FBXO36: variants seen among roughly 807,000 people sequenced by gnomAD.
FBXO36 encodes the protein F-box only protein 36.
A neutral mutation model predicts 17.0 loss-of-function variants in FBXO36; 18 were observed. The ratio of observed to expected loss-of-function variants is 1.06; its 90% CI spans 0.73 to 1.57. FBXO36 has a LOEUF of 1.57. Among genes scored for constraint, FBXO36 ranks in the 40% most tolerant of loss-of-function variants. The pLI is 0.00. For missense variants in FBXO36, 229 were observed against 221.9 expected, an observed-to-expected ratio of 1.03 and a Z score of -0.20; for synonymous variants, 83 against 85.3, an observed-to-expected ratio of 0.97 and a Z score of 0.15.
chr2:229,967,860 C>A (rs946655635), intron 1 of FBXO36, among the ~76,000 whole-genome samples: 2 of 152,052 alleles, frequency 1.3e-5, no homozygotes, highest in Non-Finnish European at 2.9e-5. Flanking sequence ...TGTCTCTGCC[C>A]GGCTTTGGTA....
intron 2 of FBXO36, among the ~76,000 whole-genome samples, chr2:229,978,321 G>T (rs1036541200): frequency 6.7e-6 from 1 of 150,004 alleles, no homozygotes; most frequent in East Asian, 2.0e-4. Flanking sequence ...GGTGGCTCAC[G>T]CCTGTAATCC....
chr2:229,962,516 T>TTATTTTATTC (rs1484221585), intron 1 of FBXO36, among the ~76,000 whole-genome samples: 1 of 147,526 alleles, frequency 6.8e-6, no homozygotes, highest in Non-Finnish European at 1.5e-5. Flanking sequence ...TTATTTTATT[T>TTATTTTATTC]TATTTTATTT....
intron 3 of FBXO36, among the ~76,000 whole-genome samples, chr2:230,001,232 T>C (rs953512617): frequency 1.3e-4 from 20 of 152,172 alleles, no homozygotes; most frequent in African/African-American, 4.8e-4. Context: ...CTAAGTTTTA[T>C]CTCTGTTCCA....
chr2:229,922,521 C>T lies in FBXO36; in HGVS notation c.8C>T (p.Ser3Leu), dbSNP rs577947245. MASWLPETLFETV... is the reference protein window; with the variant it reads MALWLPETLFETV... The stretch of plus-strand genomic sequence containing the variant: ...CGGCGGTGGCGTCCCAAGATGGCGT[C>T]GTGGCTGCCGGAGACTCTCTTTGAA... The change falls in exon 1 of 4, where the codon TCG (serine) becomes TTG (leucine). Residue 3 changes from serine (S) to leucine (L), a missense_variant. Ser to Leu is a moderately radical substitution (Grantham distance 145, BLOSUM62 -2). Transcript: ENST00000283946. 2.5e-6 allele frequency: 4 copies of T among 1,613,904 alleles called. No homozygotes were observed.
intron 1 of FBXO36, among the ~76,000 whole-genome samples, chr2:229,948,639 G>A (rs2077039656): frequency 6.6e-6 from 1 of 152,002 alleles, no homozygotes; most frequent in Non-Finnish European, 1.5e-5. Flanking sequence ...ACACAGAAGA[G>A]TCTGTGAGAG....
At chr2:229,947,039 G>T (rs1467443203) in intron 1 of FBXO36, among the ~76,000 whole-genome samples, 3 of 152,014 alleles carry the variant, frequency 2.0e-5, no homozygotes, top group African/African-American at 2.4e-5. Context: ...ATGGTGGCAG[G>T]TGCCTGTAAT....
At chr2:229,966,347 G>A (rs1411665026) in intron 1 of FBXO36, among the ~76,000 whole-genome samples, 10 of 152,100 alleles carry the variant, frequency 6.6e-5, no homozygotes, top group African/African-American at 2.4e-4. Flanking sequence ...CACTCTGATG[G>A]TAGTTTCTTT....
At chr2:229,929,214 G>T (rs976086937) in intron 1 of FBXO36, among the ~76,000 whole-genome samples, 1 of 151,898 alleles carries the variant, frequency 6.6e-6, no homozygotes, top group Admixed American at 6.6e-5. Context: ...GATTACAGGC[G>T]TGAGCCACTG....
chr2:229,965,185 A>T (rs1414346193), intron 1 of FBXO36, among the ~76,000 whole-genome samples: 16 of 97,480 alleles, frequency 1.6e-4, no homozygotes, highest in Non-Finnish European at 3.0e-4. Flanking sequence ...GGGTCTTACT[A>T]TGTTGCCCAG....
At chr2:229,998,053 G>A (rs1337420105) in intron 3 of FBXO36, among the ~76,000 whole-genome samples, 1 of 152,202 alleles carries the variant, frequency 6.6e-6, no homozygotes, top group Non-Finnish European at 1.5e-5. Context: ...TAGCTGTAAT[G>A]TGTTGGGGCA....
intron 1 of FBXO36, among the ~76,000 whole-genome samples, chr2:229,965,101 T>C (rs1398188362): frequency 6.6e-6 from 1 of 151,810 alleles, no homozygotes; most frequent in Non-Finnish European, 1.5e-5. Context: ...ATCTAGGACT[T>C]ATATGGTCTG....
chr2:229,978,888 T>A (rs2077223556), intron 2 of FBXO36, among the ~76,000 whole-genome samples: 1 of 152,082 alleles, frequency 6.6e-6, no homozygotes, highest in South Asian at 2.1e-4. Context: ...AAAAATTCCA[T>A]TATTTAGGCC....
intron 1 of FBXO36, among the ~76,000 whole-genome samples, chr2:229,953,135 C>T (rs1217179165): frequency 2.6e-5 from 4 of 152,072 alleles, no homozygotes; most frequent in Non-Finnish European, 4.4e-5. Context: ...GTCTGGAGTT[C>T]GAGACCAGCC....
intron 1 of FBXO36, among the ~76,000 whole-genome samples, chr2:229,957,689 G>T (rs955870653): frequency 2.0e-5 from 3 of 152,146 alleles, no homozygotes; most frequent in African/African-American, 7.2e-5. Context: ...AAATTAAGAA[G>T]CTCTCACTGT....
intron 1 of FBXO36, chr2:229,937,807 G>C (rs939499427): frequency 1.3e-5 from 2 of 152,158 alleles, no homozygotes; most frequent in Admixed American, 6.6e-5. Flanking sequence ...GGGAAAGGGT[G>C]TCTCTTCTTG....
At chr2:229,937,318 A>C (rs2076969313) in intron 1 of FBXO36, among the ~76,000 whole-genome samples, 1 of 151,832 alleles carries the variant, frequency 6.6e-6, no homozygotes, top group Admixed American at 6.6e-5. Flanking sequence ...AGCATGATGA[A>C]ACCCCATCTC....
intron 1 of FBXO36, among the ~76,000 whole-genome samples, chr2:229,946,290 A>G (rs549376581): frequency 6.6e-6 from 1 of 152,278 alleles, no homozygotes; most frequent in Non-Finnish European, 1.5e-5. Context: ...TGTAAAAATT[A>G]TCTTTTCAAC....
At chr2:229,942,594 G>C (rs1345491602) in intron 1 of FBXO36, 1 of 152,402 alleles carries the variant, frequency 6.6e-6, no homozygotes, top group Non-Finnish European at 1.5e-5. Flanking sequence ...GAAGGCCCTG[G>C]GGGGGTCCAG....
intron 1 of FBXO36, among the ~76,000 whole-genome samples, chr2:229,959,253 A>C (rs2077108621): frequency 6.6e-6 from 1 of 152,184 alleles, no homozygotes; most frequent in African/African-American, 2.4e-5. Flanking sequence ...ACCTGGCCTC[A>C]AGTGATCTTC....
Sources: gnomAD v4.1 joint callset for allele counts (sites outside exome capture counted in the v4.1 genomes callset) on GRCh38, gnomAD v4.1.1 for gene constraint, MANE v1.5 for transcripts, NCBI Gene and HGNC (gene_info 2026-07-23, HGNC 2026-07-21) for gene names.